NRXN3: variants seen among roughly 807,000 people sequenced by gnomAD.
NRXN3 encodes neurexin III.
NRXN3 carries 32 observed loss-of-function variants against 137.6 expected under a neutral mutation model. The ratio of observed to expected loss-of-function variants is 0.23; its 90% CI spans 0.18 to 0.31. The LOEUF is 0.31. Ranked by LOEUF, NRXN3 falls within the 10% of genes least tolerant of loss-of-function variation. NRXN3 has a pLI of 1.00. For synonymous variants in NRXN3, 798 were observed against 784.5 expected (o/e 1.02, Z -0.29); for missense variants, 1,574 against 2,062.5 (o/e 0.76, Z 4.59).
intron 15 of NRXN3, among the ~76,000 whole-genome samples, chr14:79,013,277 A>G (rs944787436): frequency 2.6e-5 from 4 of 152,158 alleles, no homozygotes; most frequent in African/African-American, 7.2e-5. Flanking sequence ...ATAATGACTT[A>G]CACCTTAGAC....
intron 8 of NRXN3, among the ~76,000 whole-genome samples, chr14:78,797,419 T>C (rs1390985186): frequency 6.6e-6 from 1 of 152,148 alleles, no homozygotes; most frequent in Non-Finnish European, 1.5e-5. Context: ...TTGGACTTAA[T>C]AGACAAAGAA....
intron 15 of NRXN3, among the ~76,000 whole-genome samples, chr14:79,435,205 G>T (rs1246267080): frequency 6.6e-6 from 1 of 151,804 alleles, no homozygotes; most frequent in African/African-American, 2.4e-5. Context: ...AGGGATCAGA[G>T]TTGCATTTGG....
At chr14:78,823,941 AC>A (rs2098958610) in intron 10 of NRXN3, among the ~76,000 whole-genome samples, 1 of 152,146 alleles carries the variant, frequency 6.6e-6, no homozygotes, top group Non-Finnish European at 1.5e-5. Flanking sequence ...TATATCCCCC[AC>A]AGGTCAGCCA....
At chr14:78,968,937 G>C (rs2099429043) in intron 14 of NRXN3, among the ~76,000 whole-genome samples, 1 of 152,122 alleles carries the variant, frequency 6.6e-6, no homozygotes, top group African/African-American at 2.4e-5. Context: ...TTTGATATTA[G>C]AAATACCTGG....
intron 6 of NRXN3, among the ~76,000 whole-genome samples, chr14:78,652,174 G>T (rs549568673): frequency 1.3e-5 from 2 of 152,176 alleles, no homozygotes; most frequent in African/African-American, 2.4e-5. Flanking sequence ...GTTCCCAAGG[G>T]TCTCATAGTT....
chr14:79,741,583 C>G (rs1417748088), intron 19 of NRXN3, among the ~76,000 whole-genome samples: 1 of 152,052 alleles, frequency 6.6e-6, no homozygotes, highest in East Asian at 1.9e-4. Context: ...CCCCCAGGTT[C>G]AAGTGACTCT....
chr14:79,750,280 A>G (rs1396983941), intron 19 of NRXN3, among the ~76,000 whole-genome samples: 1 of 152,068 alleles, frequency 6.6e-6, no homozygotes, highest in Non-Finnish European at 1.5e-5. Context: ...AAGACAATTT[A>G]TTTCTATTTT....
intron 15 of NRXN3, among the ~76,000 whole-genome samples, chr14:79,308,738 T>C (rs1299239848): frequency 1.3e-5 from 2 of 151,208 alleles, no homozygotes; most frequent in African/African-American, 4.9e-5. Flanking sequence ...TCTTGCATGA[T>C]AGAAACTAAT....
At chr14:79,037,894 G>T (rs77734399) in intron 15 of NRXN3, among the ~76,000 whole-genome samples, 2,474 of 152,136 alleles carry the variant, frequency 0.016, 52 homozygotes, top group African/African-American at 0.056. Flanking sequence ...GTGGTGACAG[G>T]CCAGGGACAA....
intron 15 of NRXN3, among the ~76,000 whole-genome samples, chr14:79,395,733 C>T (rs1015538431): frequency 6.7e-6 from 1 of 149,880 alleles, no homozygotes; most frequent in Non-Finnish European, 1.5e-5. Context: ...GGCGTGAACC[C>T]GGGAGGCAGA....
chr14:78,980,585 G>A (rs1414217197), intron 14 of NRXN3, among the ~76,000 whole-genome samples: 1 of 152,150 alleles, frequency 6.6e-6, no homozygotes, highest in Non-Finnish European at 1.5e-5. Context: ...TGTAAGGGTG[G>A]ATTAGAGCAG....
chr14:79,684,623 GTGT>G (rs2098687523), intron 17 of NRXN3, among the ~76,000 whole-genome samples: 1 of 152,130 alleles, frequency 6.6e-6, no homozygotes, highest in Non-Finnish European at 1.5e-5. Flanking sequence ...CAATGTTCCT[GTGT>G]TGTGCAGCGG....
intron 6 of NRXN3, among the ~76,000 whole-genome samples, chr14:78,677,483 A>G (rs963888376): frequency 6.6e-6 from 1 of 152,072 alleles, no homozygotes; most frequent in Admixed American, 6.6e-5. Context: ...ATGCAATCTC[A>G]TGATAAAACT....
intron 4 of NRXN3, among the ~76,000 whole-genome samples, chr14:78,347,506 G>T (rs374629303): frequency 1.3e-5 from 2 of 152,172 alleles, no homozygotes; most frequent in African/African-American, 4.8e-5. Context: ...CTGTTGCCAC[G>T]CTGAAATTTC....
chr14:78,778,806 TTCTTTC>T (rs2098757583), intron 8 of NRXN3, among the ~76,000 whole-genome samples: 3 of 145,014 alleles, frequency 2.1e-5, no homozygotes, highest in Non-Finnish European at 4.5e-5. Context: ...CTTTCTTTCT[TTCTTTC>T]TTTCTTTCTT....
At chr14:79,799,083 G>C (rs549738787) in intron 19 of NRXN3, among the ~76,000 whole-genome samples, 1 of 152,074 alleles carries the variant, frequency 6.6e-6, no homozygotes. Context: ...AGGAAAAAAA[G>C]AACATAAATG....
At chr14:79,187,203 G>T (rs538456758) in intron 15 of NRXN3, among the ~76,000 whole-genome samples, 1 of 152,186 alleles carries the variant, frequency 6.6e-6, no homozygotes, top group East Asian at 1.9e-4. Flanking sequence ...AGTGTACCAT[G>T]AGCGGAGTCA....
intron 10 of NRXN3, among the ~76,000 whole-genome samples, chr14:78,834,058 T>C (rs572355669): frequency 2.6e-5 from 4 of 152,104 alleles, no homozygotes; most frequent in African/African-American, 9.6e-5. Flanking sequence ...ACACAGTAGG[T>C]GGGTTTGCAG....
At chr14:79,030,260 T>G (rs951754105) in intron 15 of NRXN3, among the ~76,000 whole-genome samples, 1 of 151,890 alleles carries the variant, frequency 6.6e-6, no homozygotes, top group African/African-American at 2.4e-5. Context: ...ATTGTCACAA[T>G]AAAAAAATCT....
Sources: gnomAD v4.1 joint callset for allele counts (sites outside exome capture counted in the v4.1 genomes callset) on GRCh38, gnomAD v4.1.1 for gene constraint, MANE v1.5 for transcripts, NCBI Gene and HGNC (gene_info 2026-07-23, HGNC 2026-07-21) for gene names.